Variants in PROS1 observed in about 807,000 individuals in gnomAD.
PROS1 encodes protein S.
In PROS1, 29 loss-of-function variants were observed where a neutral mutation model predicts 75.9. The ratio of observed to expected loss-of-function variants is 0.38; its 90% CI spans 0.28 to 0.52. PROS1 has a LOEUF of 0.52. Among genes scored for constraint, PROS1 ranks in the 20% least tolerant of loss-of-function variants. The pLI, the probability that PROS1 is intolerant of heterozygous loss-of-function variation, is 0.83. For missense variants in PROS1, 680 were observed against 810.3 expected, an observed-to-expected ratio of 0.84 and a Z score of 1.95; for synonymous variants, 245 against 280.6, an observed-to-expected ratio of 0.87 and a Z score of 1.27.
rs774875701 is a variant in PROS1 at position 93,960,532 on chromosome 3, CTTTTTTTTTTT to C, written c.76+13131_76+13141del. Among the ~76,000 whole-genome samples the C allele has an allele frequency of 5.8e-4, 29 of 50,142 alleles. No individual in the cohort carries two copies. The South Asian group carries it at 7.0e-3, about 12-fold the overall frequency. 32.9% of individuals were successfully genotyped at this position (50,142 alleles called of 152,430 possible). ...AAACAAGTACACCACCTCCATTGCTCTTTTTTTTTTTTTTTTTTTTTTTTTTTTTTGCAGGA... is the reference window on the plus strand; with the variant it reads ...AAACAAGTACACCACCTCCATTGCTCTTTTTTTTTTTTTTTTTTTGCAGGA... On this transcript the variant is annotated intron_variant, in intron 1 of 14. Transcript: ENST00000394236.
rs559719055 is a variant in PROS1, at chr3:93,916,034, G to A, written c.260-5329C>T. On this transcript the variant is annotated intron_variant, in intron 3 of 14. Transcript: ENST00000394236. ...ATAAAGAAAAAAATTATTTTTTACA[G>A]TTCTGGAGGCTGGGAAGTCCAATAT... Among the ~76,000 whole-genome samples, 32 of 152,266 alleles carry A rather than the reference G, an allele frequency of 2.1e-4. 1 individual carries two copies. The South Asian group carries it at 3.7e-3, about 18-fold the overall frequency.
chr3:93,967,269 C>T (rs1709806137), intron 1 of PROS1, among the ~76,000 whole-genome samples: 1 of 152,302 alleles, frequency 6.6e-6, no homozygotes, highest in Non-Finnish European at 1.5e-5. Context: ...AAGGGCTCTT[C>T]CATCATGGAG....
chr3:93,928,762 G>A lies in PROS1; in HGVS notation c.77-1355C>T, dbSNP rs750488882. Reference sequence around the variant, plus strand: ...CCGACCAATACAGAAATGCATGCACGGTTGTATATAAAATCATTTCTAAAA... The same window carrying A: ...CCGACCAATACAGAAATGCATGCACAGTTGTATATAAAATCATTTCTAAAA... On this transcript the variant is annotated intron_variant, in intron 1 of 14. Coordinates refer to ENST00000394236, the MANE Select transcript of PROS1 (RefSeq NM_000313.4). 66 of 1,290,876 alleles carry A rather than the reference G, an allele frequency of 5.1e-5. 1 individual carries two copies. The highest frequency in any genetic ancestry group is 2.1e-4 in the Middle Eastern group (1 of 4,682). The allele number at this position is 1,290,876 out of a possible 1,614,324, so 80.0% of individuals were successfully genotyped here.
In PROS1 at chr3:93,906,071, G is replaced by T. The variant is rs747091771; in HGVS notation, c.419C>A (p.Ser140Tyr). 1 of 1,614,088 alleles carries T rather than the reference G, an allele frequency of 6.2e-7. No homozygotes were observed. Among genetic ancestry groups the T allele is most frequent in the Non-Finnish European group, 8.5e-7 (1 of 1,180,016 alleles). ...GYMSCKDGKASFTCTCKPGWQ... is the reference protein window; with the variant it reads ...GYMSCKDGKAYFTCTCKPGWQ... ...ACCTGGTTTACAAGTGCAAGTAAAA[G>T]AAGCTTTTCCATCTTTGCAGCTCAT... Residue 140 changes from serine (S) to tyrosine (Y), a missense_variant, in exon 5 of 15, where the codon TCT (serine) becomes TAT (tyrosine). Physicochemically the swap from Ser to Tyr is moderately radical, Grantham distance 144 (BLOSUM62 -2). Transcript: ENST00000394236.
Position 93,874,152 on chromosome 3 carries a change from A to C in PROS1, c.*93T>G. ...GGAAAGGACCACAAAATAATCAAAG[A>C]CTGCACATTGTAAATAAAACCCTTC... On this transcript the variant is annotated 3_prime_UTR_variant, in exon 15 of 15. Transcript: ENST00000394236. 3.5e-6 allele frequency: 5 copies of C among 1,415,678 alleles called. No homozygotes were observed. Among genetic ancestry groups the C allele is most frequent in the Non-Finnish European group, 5.0e-6 (5 of 1,008,376 alleles). 87.7% of individuals were successfully genotyped at this position (1,415,678 alleles called of 1,614,324 possible). A position where few individuals can be genotyped will look rare whatever the true frequency, so the allele number is the denominator to read the frequency against.
chr3:93,874,739 C>G (rs77544379), intron 14 of PROS1, among the ~76,000 whole-genome samples: 3 of 152,078 alleles, frequency 2.0e-5, no homozygotes, highest in African/African-American at 7.2e-5. Flanking sequence ...TCTCTTTAAA[C>G]TTAAGCAACA....
intron 1 of PROS1, among the ~76,000 whole-genome samples, chr3:93,959,331 A>G (rs1709663082): frequency 6.6e-6 from 1 of 152,204 alleles, no homozygotes; most frequent in Admixed American, 6.5e-5. Flanking sequence ...CAACAACCAA[A>G]AAAAGGAATT....
At chr3:93,892,011 C>T (rs1028429898) in intron 10 of PROS1, among the ~76,000 whole-genome samples, 3 of 151,948 alleles carry the variant, frequency 2.0e-5, no homozygotes, top group Non-Finnish European at 4.4e-5. Flanking sequence ...GAGGAGTTTT[C>T]CTTGATCAGT....
intron 1 of PROS1, among the ~76,000 whole-genome samples, chr3:93,954,385 C>T (rs1263938168): frequency 2.0e-5 from 3 of 152,128 alleles, no homozygotes; most frequent in African/African-American, 7.2e-5. Context: ...GAGATATAGA[C>T]CAATGGAACA....
chr3:93,971,482 G>T (rs1709880696), intron 1 of PROS1, among the ~76,000 whole-genome samples: 1 of 149,934 alleles, frequency 6.7e-6, no homozygotes. Context: ...AAATCATATG[G>T]AGGCTGGGCA....
intron 13 of PROS1, among the ~76,000 whole-genome samples, chr3:93,878,538 C>T (rs1576172784): frequency 1.3e-5 from 2 of 152,208 alleles, no homozygotes; most frequent in African/African-American, 4.8e-5. Context: ...ATAGACAGAA[C>T]GACTATGCTC....
At position 93,898,576 on chromosome 3, in the gene PROS1, TA is replaced by T. The variant is rs751417718; in HGVS notation, c.728-8del. On this transcript the variant is annotated splice_polypyrimidine_tract_variant and splice_region_variant and intron_variant, in intron 7 of 14. Coordinates refer to ENST00000394236, the MANE Select transcript of PROS1 (RefSeq NM_000313.4). ...TCAGAGCATTCATCTATATCTGAGG[TA>T]AAAAAAACACACGCACACAAACTTT... 9.3e-6 allele frequency: 15 copies of T among 1,610,808 alleles called. No individual in the cohort carries two copies. In the African/African-American group the frequency reaches 1.1e-4, roughly 12 times the overall value.
chr3:93,950,044 T>C (rs1408650439), intron 1 of PROS1, among the ~76,000 whole-genome samples: 2 of 152,218 alleles, frequency 1.3e-5, no homozygotes, highest in Non-Finnish European at 2.9e-5. Flanking sequence ...ATCCCGCCCA[T>C]GGCTCGGAGG....
At chr3:93,962,258 A>T (rs552779458) in intron 1 of PROS1, among the ~76,000 whole-genome samples, 34 of 151,410 alleles carry the variant, frequency 2.2e-4, no homozygotes, top group African/African-American at 8.0e-4. Context: ...ATCTCACGAG[A>T]TTGAGATGAA....
At position 93,944,732 on chromosome 3, in the gene PROS1, T is replaced by C. The variant is rs575002822; in HGVS notation, c.77-17325A>G. Among the ~76,000 whole-genome samples the C allele has an allele frequency of 2.6e-3, 389 of 151,916 alleles. 1 individual carries two copies. Among genetic ancestry groups the C allele is most frequent in the African/African-American group, 8.9e-3 (368 of 41,416 alleles). On this transcript the variant is annotated intron_variant, in intron 1 of 14. Transcript: ENST00000394236. ...AAGATCTAAAATTGACACCCTAACA[T>C]CACAATTAAAAGAACTAGAGAAGCA... is the stretch of plus-strand genomic sequence containing the variant.
intron 9 of PROS1, among the ~76,000 whole-genome samples, chr3:93,895,427 G>C (rs1271784769): frequency 6.6e-6 from 1 of 152,144 alleles, no homozygotes; most frequent in Non-Finnish European, 1.5e-5. Flanking sequence ...CAGAAATAAA[G>C]TGTGGAAGGA....
At chr3:93,919,222 G>A (rs1318949523) in intron 3 of PROS1, among the ~76,000 whole-genome samples, 2 of 152,138 alleles carry the variant, frequency 1.3e-5, no homozygotes, top group African/African-American at 2.4e-5. Flanking sequence ...TCATTAAATA[G>A]GAATGTACTT....
chr3:93,915,278 A>G (rs1247564408), intron 3 of PROS1, among the ~76,000 whole-genome samples: 1 of 152,042 alleles, frequency 6.6e-6, no homozygotes, highest in Admixed American at 6.6e-5. Context: ...GCTGCCTGGC[A>G]AACATGGCAA....
intron 13 of PROS1, among the ~76,000 whole-genome samples, chr3:93,878,578 T>G (rs1345294871): frequency 6.6e-6 from 1 of 152,234 alleles, no homozygotes; most frequent in East Asian, 1.9e-4. Context: ...ACAGATTTTC[T>G]GATAACCCTC....
Sources: allele counts gnomAD v4.1 joint callset (sites outside exome capture counted in the v4.1 genomes callset), GRCh38; gene constraint gnomAD v4.1.1; transcripts MANE v1.5; gene names NCBI Gene and HGNC (gene_info 2026-07-23, HGNC 2026-07-21).